The following FSTL4 variants were observed in gnomAD, a reference collection of about 807,000 sequenced individuals.
FSTL4 encodes follistatin like 4.
In FSTL4, 28 loss-of-function variants were observed where a neutral mutation model predicts 78.2. The observed-to-expected ratio is 0.36, with a 90% CI of 0.27 to 0.49. The LOEUF (loss-of-function observed/expected upper bound fraction) is 0.49, where lower values mean the gene tolerates loss of function less well. Ranked by LOEUF, FSTL4 falls within the 20% of genes least tolerant of loss-of-function variation. The pLI is 0.98. For missense variants in FSTL4, 922 were observed against 1,084.9 expected, an observed-to-expected ratio of 0.85 and a Z score of 2.11; for synonymous variants, 422 against 440.5, an observed-to-expected ratio of 0.96 and a Z score of 0.53.
chr5:133,742,033 A>C, the FSTL4 span, among the ~76,000 whole-genome samples: 6 of 152,364 alleles, frequency 3.9e-5, no homozygotes, highest in African/African-American at 1.4e-4. Flanking sequence ...TGGCCCCACC[A>C]GAGGGAAATG....
the FSTL4 span, among the ~76,000 whole-genome samples, chr5:133,689,515 TATTTATTTGGTCTAC>T: frequency 6.6e-6 from 1 of 152,180 alleles, no homozygotes; most frequent in Non-Finnish European, 1.5e-5. Flanking sequence ...TGAGAAAGAT[TATTTATTTGGTCTAC>T]AGATAGTTGC....
intron 3 of FSTL4, among the ~76,000 whole-genome samples, chr5:133,445,087 G>C (rs1009577120): frequency 6.6e-6 from 1 of 152,218 alleles, no homozygotes; most frequent in Admixed American, 6.5e-5. Context: ...CCTCTTGAAG[G>C]GTAAGGACTG....
chr5:133,551,847 C>T (rs1363245), intron 3 of FSTL4, among the ~76,000 whole-genome samples: 63,215 of 152,004 alleles, frequency 0.42, 13,542 homozygotes, highest in African/African-American at 0.51. Flanking sequence ...GCAATATACG[C>T]GGAATGTCTT....
intron 3 of FSTL4, among the ~76,000 whole-genome samples, chr5:133,471,655 A>G (rs1186390255): frequency 6.6e-6 from 1 of 152,206 alleles, no homozygotes; most frequent in East Asian, 1.9e-4. Context: ...GTTGTTTATC[A>G]GCTACCCAGG....
intron 5 of FSTL4, among the ~76,000 whole-genome samples, chr5:133,313,996 G>A (rs189537824): frequency 1.3e-4 from 20 of 152,138 alleles, no homozygotes; most frequent in Non-Finnish European, 2.6e-4. Context: ...CAATTACCAC[G>A]CTTGTTAATG....
intron 4 of FSTL4, among the ~76,000 whole-genome samples, chr5:133,397,358 T>C (rs185214366): frequency 2.8e-4 from 42 of 152,380 alleles, no homozygotes; most frequent in African/African-American, 9.6e-4. Context: ...CACCTCCTTT[T>C]GTCCCAGACT....
At chr5:133,807,737 T>C in the FSTL4 span, among the ~76,000 whole-genome samples, 350 of 152,308 alleles carry the variant, frequency 2.3e-3, 1 homozygote, top group African/African-American at 8.1e-3. Context: ...AGACGGCCAG[T>C]GGGTCATGTC....
At chr5:133,663,134 T>C in the FSTL4 span, among the ~76,000 whole-genome samples, 1 of 152,208 alleles carries the variant, frequency 6.6e-6, no homozygotes, top group African/African-American at 2.4e-5. Flanking sequence ...ATTTCTTTGG[T>C]GACTGAACAG....
intron 3 of FSTL4, among the ~76,000 whole-genome samples, chr5:133,483,278 G>C (rs1758066226): frequency 6.6e-6 from 1 of 152,194 alleles, no homozygotes; most frequent in Non-Finnish European, 1.5e-5. Context: ...AAATTGCCCA[G>C]TCTTGGGTAT....
At chr5:133,537,004 T>G (rs1759363585) in intron 3 of FSTL4, among the ~76,000 whole-genome samples, 1 of 152,178 alleles carries the variant, frequency 6.6e-6, no homozygotes, top group African/African-American at 2.4e-5. Context: ...GGTGTCTGGT[T>G]CCTAGAGTAC....
intron 6 of FSTL4, among the ~76,000 whole-genome samples, chr5:133,306,707 C>A (rs959373408): frequency 6.6e-6 from 1 of 152,222 alleles, no homozygotes; most frequent in Non-Finnish European, 1.5e-5. Flanking sequence ...CATGTCTGGA[C>A]TCCTCTCCTT....
At chr5:133,263,708 C>G (rs1044413178) in intron 6 of FSTL4, among the ~76,000 whole-genome samples, 2 of 152,124 alleles carry the variant, frequency 1.3e-5, no homozygotes, top group Admixed American at 6.6e-5. Flanking sequence ...GGATGGTAGA[C>G]AGAAGGTCAA....
At chr5:133,526,278 G>A (rs370940462) in intron 3 of FSTL4, among the ~76,000 whole-genome samples, 5 of 152,142 alleles carry the variant, frequency 3.3e-5, no homozygotes, top group East Asian at 1.9e-4. Context: ...AACCAAGGGG[G>A]TAGCCTCATT....
chr5:133,648,194 C>T, the FSTL4 span, among the ~76,000 whole-genome samples: 3 of 152,124 alleles, frequency 2.0e-5, no homozygotes, highest in African/African-American at 7.2e-5. Flanking sequence ...AAATAAAGTA[C>T]AAACCAGTGA....
the FSTL4 span, among the ~76,000 whole-genome samples, chr5:133,646,318 G>T: frequency 3.3e-5 from 5 of 152,124 alleles, no homozygotes; most frequent in Non-Finnish European, 7.4e-5. Context: ...CTCTGAGTGA[G>T]GGAACAGACT....
At chr5:133,296,217 G>A (rs888630542) in intron 6 of FSTL4, among the ~76,000 whole-genome samples, 4 of 152,090 alleles carry the variant, frequency 2.6e-5, no homozygotes, top group Admixed American at 6.6e-5. Context: ...CAACTCATCA[G>A]CAAATCTCTT....
intron 6 of FSTL4, among the ~76,000 whole-genome samples, chr5:133,271,650 G>A (rs574099578): frequency 6.6e-6 from 1 of 152,320 alleles, no homozygotes; most frequent in South Asian, 2.1e-4. Flanking sequence ...TTTTATTAGA[G>A]AGTGAGTGAG....
At chr5:133,291,188 C>T (rs1753255504) in intron 6 of FSTL4, among the ~76,000 whole-genome samples, 1 of 152,088 alleles carries the variant, frequency 6.6e-6, no homozygotes, top group Non-Finnish European at 1.5e-5. Flanking sequence ...GAAGAGCGGG[C>T]CGTTGAGTCA....
At chr5:133,390,654 T>G (rs1755825377) in intron 4 of FSTL4, among the ~76,000 whole-genome samples, 1 of 152,258 alleles carries the variant, frequency 6.6e-6, no homozygotes, top group Admixed American at 6.5e-5. Flanking sequence ...TGGTGTGGTC[T>G]TGTTCCTCCT....
Sources: allele counts gnomAD v4.1 joint callset (sites outside exome capture counted in the v4.1 genomes callset), GRCh38; gene constraint gnomAD v4.1.1; transcripts MANE v1.5; gene names NCBI Gene and HGNC (gene_info 2026-07-23, HGNC 2026-07-21).